KLHDC10: variants seen among roughly 807,000 people sequenced by gnomAD.
The protein encoded by KLHDC10 is kelch domain-containing protein 10.
In KLHDC10, 24 loss-of-function variants were observed where a neutral mutation model predicts 56.1. The ratio of observed to expected loss-of-function variants is 0.43; its 90% CI spans 0.31 to 0.60. The LOEUF (loss-of-function observed/expected upper bound fraction) is 0.60, where lower values mean the gene tolerates loss of function less well. KLHDC10 is among the 20% of genes least tolerant of loss of function. The pLI, the probability that KLHDC10 is intolerant of heterozygous loss-of-function variation, is 0.11. For synonymous variants in KLHDC10, 188 were observed against 207.1 expected, an observed-to-expected ratio of 0.91 and a Z score of 0.79; for missense variants, 349 against 567.0, an observed-to-expected ratio of 0.62 and a Z score of 3.91.
chr7:130,082,092 A>G (rs6973585), intron 1 of KLHDC10, among the ~76,000 whole-genome samples: 140,388 of 152,288 alleles, frequency 0.92, 64,906 homozygotes, highest in African/African-American at 0.94. Flanking sequence ...GCGGGCAAAA[A>G]GCTTAAGTCC....
At chr7:130,101,969 TAAAAAAAAAA>T (rs10579051) in intron 2 of KLHDC10, among the ~76,000 whole-genome samples, 5 of 73,728 alleles carry the variant, frequency 6.8e-5, no homozygotes, top group African/African-American at 2.8e-4. Context: ...GACTCCCTCT[TAAAAAAAAAA>T]AAAAAAAAAA....
chr7:130,107,351 T>G (rs1343468743), intron 2 of KLHDC10, among the ~76,000 whole-genome samples: 1 of 152,104 alleles, frequency 6.6e-6, no homozygotes, highest in Non-Finnish European at 1.5e-5. Context: ...CCTATAAAAT[T>G]CAAGATAATT....
intron 5 of KLHDC10, among the ~76,000 whole-genome samples, chr7:130,124,005 A>G (rs11980889): frequency 0.24 from 36,688 of 152,148 alleles, 4,787 homozygotes; most frequent in Non-Finnish European, 0.27. Context: ...TTTTAAAACT[A>G]TGTAATAATT....
At chr7:130,078,419 C>A (rs1442959069) in intron 1 of KLHDC10, among the ~76,000 whole-genome samples, 1 of 152,070 alleles carries the variant, frequency 6.6e-6, no homozygotes, top group Non-Finnish European at 1.5e-5. Context: ...GAGATGGAGT[C>A]TTGCTATGTT....
chr7:130,129,492 G>A lies in KLHDC10; in HGVS notation c.1035G>A (p.Lys345=). 1.2e-6 allele frequency: 2 copies of A among 1,614,156 alleles called. No individual in the cohort carries two copies. Among genetic ancestry groups the A allele is most frequent in the East Asian group, 2.2e-5 (1 of 44,880 alleles). The change falls in exon 9 of 10, where the codon AAG becomes AAA. Residue 345 remains lysine (K), a synonymous_variant. Transcript: ENST00000335420. The stretch of plus-strand genomic sequence containing the variant: ...AGGTGATCCTGGGAGATATCTGGAA[G>A]TTGAATCTGCAGACTTTCCAATGGG... ...NGEVILGDIW[K]LNLQTFQWVK...
Position 130,130,027 on chromosome 7 carries a change from T to C in KLHDC10, c.1119+451T>C, listed in dbSNP as rs576592794. 4.0e-4 allele frequency among the ~76,000 whole-genome samples: 61 copies of C among 152,070 alleles called. No homozygotes were observed. In the South Asian group the frequency reaches 1.0e-2, roughly 25 times the overall value. On this transcript the variant is annotated intron_variant, in intron 9 of 9. Transcript: ENST00000335420. This position sits in a 1 kb window ranked among gnomAD's most constrained non-coding sequence, Gnocchi z 4.2. The stretch of plus-strand genomic sequence containing the variant: ...TGTTGTTGAAGTAAAAAAAAATTCA[T>C]ATATATAGGCCGGGCGCGGTGGCTC...
chr7:130,076,240 C>T (rs938882207), intron 1 of KLHDC10, among the ~76,000 whole-genome samples: 2 of 152,092 alleles, frequency 1.3e-5, no homozygotes, highest in African/African-American at 4.8e-5. Flanking sequence ...CACTCGCCCA[C>T]CACTCACCTC....
chr7:130,125,800 C>A, intron 6 of KLHDC10, 65 bp from the exon 7 acceptor site: 2 of 1,282,458 alleles, frequency 1.6e-6, no homozygotes, highest in African/African-American at 1.5e-5. Context: ...TTAAAAAATC[C>A]TTTTTCAGGC....
chr7:130,085,776 G>A (rs969429661), intron 1 of KLHDC10, among the ~76,000 whole-genome samples: 47 of 145,924 alleles, frequency 3.2e-4, no homozygotes, highest in African/African-American at 1.1e-3. Context: ...GGAGGTTGCA[G>A]TGAGCCGACA....
At chr7:130,091,414 A>T (rs1354019954) in intron 1 of KLHDC10, among the ~76,000 whole-genome samples, 1 of 152,322 alleles carries the variant, frequency 6.6e-6, no homozygotes, top group East Asian at 1.9e-4. Context: ...GAAAATCAGA[A>T]CTGACTTCTT....
intron 2 of KLHDC10, among the ~76,000 whole-genome samples, chr7:130,098,780 AAAAC>A (rs964606545): frequency 6.6e-5 from 10 of 152,212 alleles, no homozygotes; most frequent in Admixed American, 6.5e-4. Flanking sequence ...ATAAACATAA[AAAAC>A]AAATAGTGAC....
intron 2 of KLHDC10, among the ~76,000 whole-genome samples, chr7:130,105,006 G>A (rs756818973): frequency 1.3e-5 from 2 of 152,010 alleles, no homozygotes; most frequent in Non-Finnish European, 2.9e-5. Flanking sequence ...ATGAAAAGGC[G>A]CTCACCCTCA....
intron 1 of KLHDC10, among the ~76,000 whole-genome samples, chr7:130,074,709 A>G (rs954171494): frequency 2.0e-5 from 3 of 150,006 alleles, no homozygotes; most frequent in Non-Finnish European, 4.4e-5. Flanking sequence ...TCTGCCTCCC[A>G]GGTTCAAGCA....
rs542380912 is a variant in KLHDC10 at position 130,089,058 on chromosome 7, A to G, written c.167-7863A>G. On this transcript the variant is annotated intron_variant, in intron 1 of 9. Transcript: ENST00000335420. ...TAGGCACATTCACATCGATACATAT[A>G]AAGTACAAATGCAGGCAAGATGTTT... Among the ~76,000 whole-genome samples the G allele has an allele frequency of 2.6e-5, 4 of 152,304 alleles. No homozygotes were observed. In the East Asian group the frequency reaches 5.8e-4, roughly 22 times the overall value.
intron 2 of KLHDC10, among the ~76,000 whole-genome samples, chr7:130,098,374 T>A (rs1795880868): frequency 6.6e-6 from 1 of 152,088 alleles, no homozygotes; most frequent in African/African-American, 2.4e-5. Flanking sequence ...ACACTTATAG[T>A]CGCAGCTACA....
chr7:130,118,450 T>G (rs935377695), intron 3 of KLHDC10, among the ~76,000 whole-genome samples: 1 of 152,240 alleles, frequency 6.6e-6, no homozygotes, highest in African/African-American at 2.4e-5. Flanking sequence ...AAGGGAATGT[T>G]GTAGTTGATC....
At chr7:130,073,394 C>T (rs761282198) in intron 1 of KLHDC10, among the ~76,000 whole-genome samples, 23 of 150,140 alleles carry the variant, frequency 1.5e-4, no homozygotes, top group Non-Finnish European at 2.9e-4. Context: ...CTCCCGAACT[C>T]TAGCAATTCT....
intron 2 of KLHDC10, 106 bp downstream of exon 2, chr7:130,097,113 T>C: frequency 1.5e-6 from 1 of 686,572 alleles, no homozygotes; most frequent in Non-Finnish European, 2.4e-6. Flanking sequence ...TCTAAACAGC[T>C]AATGAAACAG....
intron 1 of KLHDC10, among the ~76,000 whole-genome samples, chr7:130,077,373 A>AAAC: frequency 6.8e-6 from 1 of 147,386 alleles, no homozygotes; most frequent in Non-Finnish European, 1.5e-5. Flanking sequence ...AAAAAAAAAA[A>AAAC]AAAAAAAAAC....
Sources: gnomAD v4.1 joint callset for allele counts (sites outside exome capture counted in the v4.1 genomes callset) on GRCh38, gnomAD v4.1.1 for gene constraint, Gnocchi (gnomAD v3.1) non-coding constraint, MANE v1.5 for transcripts, NCBI Gene and HGNC (gene_info 2026-07-23, HGNC 2026-07-21) for gene names.